RBFOX1: variants seen among roughly 807,000 people sequenced by gnomAD.
The protein encoded by RBFOX1 is RNA binding fox-1 homolog 1, also known as RNA binding protein fox-1 homolog 1.
A neutral mutation model predicts 57.7 loss-of-function variants in RBFOX1; 8 were observed. The ratio of observed to expected loss-of-function variants is 0.14; its 90% CI spans 0.08 to 0.25. The LOEUF (loss-of-function observed/expected upper bound fraction) is 0.25. RBFOX1 is among the 10% of genes least tolerant of loss of function. RBFOX1 has a pLI of 1.00. For missense variants in RBFOX1, 611 were observed against 548.5 expected, an observed-to-expected ratio of 1.11 and a Z score of -1.14; for synonymous variants, 326 against 222.4, an observed-to-expected ratio of 1.47 and a Z score of -4.15.
chr16:6,840,672 A>T (rs890384946), intron 3 of RBFOX1, among the ~76,000 whole-genome samples: 7 of 151,968 alleles, frequency 4.6e-5, no homozygotes, highest in Admixed American at 6.6e-5. Flanking sequence ...GTGGATCATG[A>T]GGTCAACAGA....
intron 4 of RBFOX1, among the ~76,000 whole-genome samples, chr16:7,070,042 T>C (rs2057000479): frequency 6.6e-6 from 1 of 152,228 alleles, no homozygotes; most frequent in South Asian, 2.1e-4. Context: ...TTATCCCTCC[T>C]CCTCTTTTTC....
intron 1 of RBFOX1, among the ~76,000 whole-genome samples, chr16:5,377,587 G>GGA (rs1302564252): frequency 1.0e-4 from 15 of 147,570 alleles, no homozygotes; most frequent in Non-Finnish European, 1.5e-4. Flanking sequence ...GGAGATGGGG[G>GGA]GAGAGAGAGA....
intron 2 of RBFOX1, among the ~76,000 whole-genome samples, chr16:6,382,521 C>G (rs1323227659): frequency 6.6e-6 from 1 of 152,164 alleles, no homozygotes; most frequent in African/African-American, 2.4e-5. Context: ...CTCAGCTGTC[C>G]TATCTGTGTG....
chr16:6,603,260 T>C (rs1023115387), intron 2 of RBFOX1, among the ~76,000 whole-genome samples: 1 of 152,156 alleles, frequency 6.6e-6, no homozygotes, highest in Admixed American at 6.5e-5. Flanking sequence ...AAGGAGAGAC[T>C]GACCCCGGGG....
At position 7,403,000 on chromosome 16, in the gene RBFOX1, C is replaced by A. The variant is rs191006226; in HGVS notation, c.28-115147C>A. ...ATCTGATCTTGAAGGAGGAGGTGAA[C>A]CTGGAACTCCCCGTTCACGATGCAG... On this transcript the variant is annotated intron_variant, in intron 4 of 15. Transcript: ENST00000550418. Among the ~76,000 whole-genome samples the A allele has an allele frequency of 3.3e-5, 5 of 152,102 alleles. No individual in the cohort carries two copies. In the East Asian group the frequency reaches 9.7e-4, roughly 29 times the overall value.
chr16:6,611,306 C>G (rs567254913), intron 2 of RBFOX1, among the ~76,000 whole-genome samples: 3 of 152,314 alleles, frequency 2.0e-5, no homozygotes. Context: ...ACCACCACGC[C>G]TGGCTAATTT....
intron 4 of RBFOX1, among the ~76,000 whole-genome samples, chr16:7,319,556 C>G (rs1316055640): frequency 6.6e-6 from 1 of 152,120 alleles, no homozygotes; most frequent in Non-Finnish European, 1.5e-5. Context: ...TGGGATTTCT[C>G]TGGAAGGATA....
rs1173596668 is a variant in RBFOX1 at position 6,022,903 on chromosome 16, A to G, written c.-127+2911A>G. 2.6e-5 allele frequency among the ~76,000 whole-genome samples: 4 copies of G among 152,312 alleles called. No individual in the cohort carries two copies. In the South Asian group the frequency reaches 6.2e-4, roughly 24 times the overall value. ...GGCTGTACCCTGTGAAAAGATTTCT[A>G]AGTATATCATACATGACTGTTTTAA... On this transcript the variant is annotated intron_variant, in intron 1 of 15. Coordinates refer to ENST00000550418, the MANE Select transcript of RBFOX1 (RefSeq NM_018723.4).
chr16:6,485,712 T>A (rs1021401375), intron 2 of RBFOX1, among the ~76,000 whole-genome samples: 1 of 152,224 alleles, frequency 6.6e-6, no homozygotes, highest in Non-Finnish European at 1.5e-5. Flanking sequence ...AAGAGCAGAA[T>A]CTTTTCTGTT....
chr16:6,101,922 A>G (rs566189001), intron 1 of RBFOX1, among the ~76,000 whole-genome samples: 1 of 152,018 alleles, frequency 6.6e-6, no homozygotes, highest in African/African-American at 2.4e-5. Context: ...CAGTCCACGA[A>G]TAGTGCACTG....
chr16:7,697,628 C>G (rs1327872115), intron 14 of RBFOX1, among the ~76,000 whole-genome samples: 2 of 152,102 alleles, frequency 1.3e-5, no homozygotes, highest in Non-Finnish European at 2.9e-5. Context: ...GTGAAAAAAA[C>G]ATACACTCAG....
At chr16:5,782,311 A>C in intron 3 of RBFOX1, among the ~76,000 whole-genome samples, 1 of 152,340 alleles carries the variant, frequency 6.6e-6, no homozygotes, top group East Asian at 1.9e-4. Context: ...TCACAATGAC[A>C]TCTTGGTGCT....
intron 4 of RBFOX1, among the ~76,000 whole-genome samples, chr16:7,119,244 G>A (rs2066578676): frequency 6.6e-6 from 1 of 152,060 alleles, no homozygotes; most frequent in Non-Finnish European, 1.5e-5. Flanking sequence ...ATTTTTTTGT[G>A]TCCATTCACA....
chr16:7,071,582 CAG>C (rs2057342790), intron 4 of RBFOX1, among the ~76,000 whole-genome samples: 1 of 107,134 alleles, frequency 9.3e-6, no homozygotes, highest in Non-Finnish European at 1.9e-5. Flanking sequence ...CTAATTTGCC[CAG>C]ATATGTGTGT....
intron 2 of RBFOX1, among the ~76,000 whole-genome samples, chr16:5,471,972 C>T (rs890978031): frequency 6.6e-6 from 1 of 152,118 alleles, no homozygotes; most frequent in Non-Finnish European, 1.5e-5. Context: ...GTGTCACCTC[C>T]CCGACAGATG....
intron 3 of RBFOX1, among the ~76,000 whole-genome samples, chr16:6,932,068 A>T (rs891758675): frequency 6.6e-6 from 1 of 152,006 alleles, no homozygotes; most frequent in African/African-American, 2.4e-5. Flanking sequence ...AGCCTTCATG[A>T]CCTGATCATC....
At chr16:6,275,304 C>T (rs1281428321) in intron 1 of RBFOX1, among the ~76,000 whole-genome samples, 1 of 59,298 alleles carries the variant, frequency 1.7e-5, no homozygotes, top group Non-Finnish European at 3.5e-5. Context: ...GAGTGAGACT[C>T]CATCTCAAAA....
rs1009899924 is a variant in RBFOX1 at position 7,664,816 on chromosome 16, T to C, written c.891-113T>C. On this transcript the variant is annotated intron_variant, in intron 12 of 15. Transcript: ENST00000550418. ...AATCCAATGTGAAAACGATCCTCGG[T>C]TCCTGTGTTTTGGATCTTGTGACCA... The C allele has an allele frequency of 2.8e-5, 45 of 1,587,500 alleles. 1 individual carries two copies. In the Admixed American group the frequency reaches 5.7e-4, roughly 20 times the overall value.
At chr16:5,360,513 T>TA (rs1343561239) in intron 1 of RBFOX1, among the ~76,000 whole-genome samples, 3 of 152,202 alleles carry the variant, frequency 2.0e-5, no homozygotes, top group African/African-American at 7.2e-5. Flanking sequence ...CTTCCCGTTA[T>TA]ACCAGTATCA....
Sources: gnomAD v4.1 joint callset for allele counts (sites outside exome capture counted in the v4.1 genomes callset) on GRCh38, gnomAD v4.1.1 for gene constraint, MANE v1.5 for transcripts, NCBI Gene and HGNC (gene_info 2026-07-23, HGNC 2026-07-21) for gene names.